Variants in ITGB8 observed in about 807,000 individuals in gnomAD.
The protein encoded by ITGB8 is integrin subunit beta 8, also known as integrin beta-8.
Under a neutral mutation model 89.5 loss-of-function variants are expected in ITGB8, and 30 were observed. That is an observed-to-expected ratio of 0.34 (90% CI 0.25 to 0.45). The LOEUF (loss-of-function observed/expected upper bound fraction) is 0.45. Ranked by LOEUF, ITGB8 falls within the 20% of genes least tolerant of loss-of-function variation. The pLI, the probability that ITGB8 is intolerant of heterozygous loss-of-function variation, is 1.00. For missense variants in ITGB8, 836 were observed against 933.3 expected (o/e 0.90, Z 1.36); for synonymous variants, 335 against 320.4 (o/e 1.05, Z -0.49).
intron 1 of ITGB8, among the ~76,000 whole-genome samples, chr7:20,344,673 C>A (rs1698956283): frequency 6.6e-6 from 1 of 152,190 alleles, no homozygotes; most frequent in South Asian, 2.1e-4. Context: ...AGTGCAGTAG[C>A]AGGACAAAGC....
At chr7:20,370,053 G>A (rs1440980667) in intron 3 of ITGB8, among the ~76,000 whole-genome samples, 2 of 151,270 alleles carry the variant, frequency 1.3e-5, no homozygotes, top group African/African-American at 4.9e-5. Context: ...AAAAACATAA[G>A]AAAAACAGAG....
rs1175055250 is a variant in ITGB8, at chr7:20,415,743, G to A, written c.*5746G>A. 1.3e-5 allele frequency: 2 copies of A among 152,232 alleles called. No individual in the cohort carries two copies. Among genetic ancestry groups the A allele is most frequent in the Admixed American group, 6.6e-5 (1 of 15,264 alleles). 9.4% of individuals were successfully genotyped at this position (152,232 alleles called of 1,614,324 possible). A position where few individuals can be genotyped will look rare whatever the true frequency, so the allele number is the denominator to read the frequency against. On this transcript the variant is annotated 3_prime_UTR_variant, in exon 14 of 14. Transcript: ENST00000222573. ...AAATTCTCTGTTTTAAAATAAAAAT[G>A]TAAAAATCTAAGAATATGCAAAACG...
intron 1 of ITGB8, among the ~76,000 whole-genome samples, chr7:20,350,348 A>G (rs952012578): frequency 1.3e-5 from 2 of 152,150 alleles, no homozygotes; most frequent in Non-Finnish European, 2.9e-5. Flanking sequence ...GGGTTTTGCC[A>G]TGTTGGTCAG....
At chr7:20,359,075 T>G (rs1785402341) in intron 1 of ITGB8, among the ~76,000 whole-genome samples, 1 of 152,218 alleles carries the variant, frequency 6.6e-6, no homozygotes, top group Non-Finnish European at 1.5e-5. Flanking sequence ...GTGTTCCATG[T>G]TGTACATGTA....
chr7:20,385,340 G>C (rs1186164144), intron 6 of ITGB8, among the ~76,000 whole-genome samples: 1 of 152,206 alleles, frequency 6.6e-6, no homozygotes, highest in Non-Finnish European at 1.5e-5. Context: ...GTATGTACTA[G>C]TGCATACCAT....
At position 20,413,748 on chromosome 7, in the gene ITGB8, C is replaced by G. The variant is rs1038103716; in HGVS notation, c.*3751C>G. The stretch of plus-strand genomic sequence containing the variant: ...TAAATTTTCACAACTGTTTGAGCTT[C>G]TTTTCATTTTGAAGGATTTGGAATA... On this transcript the variant is annotated 3_prime_UTR_variant, in exon 14 of 14. Coordinates refer to ENST00000222573, the MANE Select transcript of ITGB8 (RefSeq NM_002214.3). The G allele has an allele frequency of 3.9e-5, 6 of 152,046 alleles. No individual in the cohort carries two copies. Among genetic ancestry groups the G allele is most frequent in the Admixed American group, 3.9e-4 (6 of 15,258 alleles). 9.4% of individuals were successfully genotyped at this position (152,046 alleles called of 1,614,324 possible). A position where few individuals can be genotyped will look rare whatever the true frequency, so the allele number is the denominator to read the frequency against.
At chr7:20,406,251 A>C in intron 12 of ITGB8, 80 bp downstream of exon 12, 1 of 923,650 alleles carries the variant, frequency 1.1e-6, no homozygotes, top group Non-Finnish European at 1.8e-6. Context: ...ATAATTAACC[A>C]TGCTAAAGAA....
rs993989793 is a variant in ITGB8, at chr7:20,331,085, C to T, written c.-722C>T. ...AGGGAGGGAGCGGCGATGCCTCGCT[C>T]TGTGCCTGCGGGTGTCGGCGGGTGC... On this transcript the variant is annotated 5_prime_UTR_variant, in exon 1 of 14. Transcript: ENST00000222573. The T allele has an allele frequency of 6.5e-6, 1 of 153,040 alleles. No homozygotes were observed. The highest frequency in any genetic ancestry group is 2.4e-5 in the African/African-American group (1 of 41,514). The allele number at this position is 153,040 out of a possible 1,614,324, so 9.5% of individuals were successfully genotyped here.
At chr7:20,365,951 C>T (rs1308586030) in intron 2 of ITGB8, 1 of 150,394 alleles carries the variant, frequency 6.6e-6, no homozygotes, top group Non-Finnish European at 1.5e-5. Context: ...GTAAACCTGG[C>T]TTGAATAATT....
intron 3 of ITGB8, among the ~76,000 whole-genome samples, chr7:20,369,592 T>G (rs1462117282): frequency 1.3e-5 from 2 of 152,190 alleles, no homozygotes; most frequent in East Asian, 3.8e-4. Flanking sequence ...ACTGTCACAT[T>G]GGAGGTTAGG....
intron 12 of ITGB8, among the ~76,000 whole-genome samples, chr7:20,407,437 G>A (rs1391514261): frequency 1.3e-5 from 2 of 151,762 alleles, no homozygotes; most frequent in Non-Finnish European, 2.9e-5. Context: ...GGAACTCCAC[G>A]GGCATTAGAA....
intron 1 of ITGB8, among the ~76,000 whole-genome samples, chr7:20,342,050 C>A (rs143973391): frequency 1.3e-5 from 2 of 152,128 alleles, no homozygotes; most frequent in Non-Finnish European, 2.9e-5. Context: ...TCCTATACTG[C>A]GTAATTATCA....
intron 1 of ITGB8, among the ~76,000 whole-genome samples, chr7:20,355,070 C>T (rs1027780687): frequency 1.1e-4 from 17 of 152,192 alleles, no homozygotes; most frequent in African/African-American, 4.1e-4. Context: ...GTTTATGGCT[C>T]ACAGTTGTCA....
rs66469619 is a variant in ITGB8 at position 20,411,146 on chromosome 7, CTTTTTTTTTTTTTTT to C, written c.*1160_*1174del. 1 of 60,352 alleles carries C rather than the reference CTTTTTTTTTTTTTTT, an allele frequency of 1.7e-5. No individual in the cohort carries two copies. The highest frequency in any genetic ancestry group is 2.9e-5 in the Non-Finnish European group (1 of 34,682). The allele number at this position is 60,352 out of a possible 1,614,324, so 3.7% of individuals were successfully genotyped here. A position where few individuals can be genotyped will look rare whatever the true frequency, so the allele number is the denominator to read the frequency against. On this transcript the variant is annotated 3_prime_UTR_variant, in exon 14 of 14. Transcript: ENST00000222573. The stretch of plus-strand genomic sequence containing the variant: ...GAATAGATGATATCTTAGAAATAAG[CTTTTTTTTTTTTTTT>C]TTTTTTTTTTGAGACGGAGTTTCAC...
chr7:20,382,664 A>C (rs1786446536), intron 6 of ITGB8, among the ~76,000 whole-genome samples: 1 of 152,234 alleles, frequency 6.6e-6, no homozygotes, highest in Non-Finnish European at 1.5e-5. Flanking sequence ...GGGTCAAAAG[A>C]AATACCTAAT....
chr7:20,372,633 G>A (rs77877051), intron 3 of ITGB8, among the ~76,000 whole-genome samples: 1,742 of 152,260 alleles, frequency 0.011, 25 homozygotes, highest in African/African-American at 0.038. Flanking sequence ...GTAAGTGAAC[G>A]CAGTGGGGAA....
intron 6 of ITGB8, among the ~76,000 whole-genome samples, chr7:20,385,709 T>C (rs1356925681): frequency 6.6e-6 from 1 of 152,248 alleles, no homozygotes; most frequent in Non-Finnish European, 1.5e-5. Flanking sequence ...CTATGAATCT[T>C]ATCTACTTGG....
chr7:20,330,491 C>A (rs1209692939), upstream of ITGB8, among the ~76,000 whole-genome samples: 3 of 152,012 alleles, frequency 2.0e-5, no homozygotes, highest in African/African-American at 7.2e-5. Flanking sequence ...TGCAAGGATT[C>A]GGGGGAGGAG....
chr7:20,401,605 A>C (rs1787312256), intron 9 of ITGB8, 116 bp from the exon 10 acceptor site: 1 of 598,804 alleles, frequency 1.7e-6, no homozygotes, highest in Admixed American at 3.7e-5. Context: ...TCTTTTACAA[A>C]TATCGTTAAT....
Sources: gnomAD v4.1 joint callset for allele counts (sites outside exome capture counted in the v4.1 genomes callset) on GRCh38, gnomAD v4.1.1 for gene constraint, MANE v1.5 for transcripts, NCBI Gene and HGNC (gene_info 2026-07-23, HGNC 2026-07-21) for gene names.